TFAP2B: variants seen among roughly 807,000 people sequenced by gnomAD.
The protein encoded by TFAP2B is transcription factor AP-2-beta.
In TFAP2B, 9 loss-of-function variants were observed where a neutral mutation model predicts 44.3. The ratio of observed to expected loss-of-function variants is 0.20; its 90% CI spans 0.12 to 0.35. The LOEUF (loss-of-function observed/expected upper bound fraction) is 0.35. TFAP2B is among the 10% of genes least tolerant of loss of function. TFAP2B has a pLI of 1.00. For synonymous variants in TFAP2B, 270 were observed against 263.8 expected (o/e 1.02, Z -0.23); for missense variants, 509 against 600.0 (o/e 0.85, Z 1.59).
chr6:50,820,124 T>G (rs1770296711), intron 1 of TFAP2B, among the ~76,000 whole-genome samples: 1 of 151,110 alleles, frequency 6.6e-6, no homozygotes, highest in South Asian at 2.1e-4. Context: ...AGAGGAAAAG[T>G]TGGAGAGAAA....
chr6:50,844,578 G>A lies in TFAP2B; in HGVS notation c.*1186G>A, dbSNP rs1450489225. ...GAAAGTGGCCAATATGATGGAAGCA[G>A]CTTTGAATCTACATGCTAACATTCC... On this transcript the variant is annotated 3_prime_UTR_variant, in exon 7 of 7. Coordinates refer to ENST00000393655, the MANE Select transcript of TFAP2B (RefSeq NM_003221.4). The A allele has an allele frequency of 2.0e-5, 3 of 152,800 alleles. No homozygotes were observed. Among genetic ancestry groups the A allele is most frequent in the Middle Eastern group, 6.8e-3 (2 of 294 alleles). The allele number at this position is 152,800 out of a possible 1,614,324, so 9.5% of individuals were successfully genotyped here.
intron 3 of TFAP2B, among the ~76,000 whole-genome samples, chr6:50,835,159 A>G (rs1454561428): frequency 6.6e-6 from 1 of 152,228 alleles, no homozygotes; most frequent in African/African-American, 2.4e-5. Flanking sequence ...ACTTCTGCAT[A>G]AAACATACCT....
intron 3 of TFAP2B, among the ~76,000 whole-genome samples, chr6:50,834,152 A>T (rs1762573945): frequency 6.6e-6 from 1 of 152,214 alleles, no homozygotes; most frequent in Admixed American, 6.5e-5. Context: ...TGCCCCCACC[A>T]ATCACCTGTC....
Position 50,843,167 on chromosome 6 carries a change from C to T in TFAP2B, c.1158C>T (p.Ile386=), listed in dbSNP as rs1762767239. The change falls in exon 7 of 7, where the codon ATC becomes ATT. Residue 386 remains isoleucine (I), a synonymous_variant. Coordinates refer to ENST00000393655, the MANE Select transcript of TFAP2B (RefSeq NM_003221.4). Reference sequence around the variant, plus strand: ...TAGGGAACAGCCGACCCAGCCCCATCCTGGAGCCGGGGATCCAGAGCTGCC... The same window carrying T: ...TAGGGAACAGCCGACCCAGCCCCATTCTGGAGCCGGGGATCCAGAGCTGCC... ...TPIGNSRPSP[I]LEPGIQSCLT... 6.2e-7 allele frequency: 1 copy of T among 1,614,268 alleles called. No individual in the cohort carries two copies. The highest frequency in any genetic ancestry group is 8.5e-7 in the Non-Finnish European group (1 of 1,180,054).
chr6:50,845,863 C>T lies in TFAP2B; in HGVS notation c.*2471C>T, dbSNP rs1312130507. 1.3e-5 allele frequency: 2 copies of T among 152,696 alleles called. No individual in the cohort carries two copies. Among genetic ancestry groups the T allele is most frequent in the Non-Finnish European group, 2.9e-5 (2 of 68,072 alleles). The allele number at this position is 152,696 out of a possible 1,614,324, so 9.5% of individuals were successfully genotyped here. On this transcript the variant is annotated 3_prime_UTR_variant, in exon 7 of 7. Transcript: ENST00000393655. ...CGACTGCGCGGGCCCTTCCCGCTCT[C>T]GGTCTCACCCTAAGGGCTAAGGCGA...
intron 6 of TFAP2B, among the ~76,000 whole-genome samples, chr6:50,841,747 G>T (rs1034816962): frequency 1.3e-5 from 2 of 152,170 alleles, no homozygotes; most frequent in African/African-American, 4.8e-5. Context: ...TTTCTAAGGT[G>T]TACCTCTTAA....
At chr6:50,834,807 A>G (rs2070822695) in intron 3 of TFAP2B, among the ~76,000 whole-genome samples, 1 of 152,202 alleles carries the variant, frequency 6.6e-6, no homozygotes, top group Non-Finnish European at 1.5e-5. Flanking sequence ...GCATGTTTCC[A>G]AAGATTTTTT....
intron 1 of TFAP2B, among the ~76,000 whole-genome samples, chr6:50,819,864 G>A (rs1379905249): frequency 9.9e-6 from 1 of 101,346 alleles, no homozygotes; most frequent in African/African-American, 3.3e-5. Flanking sequence ...AGAGGCGGGC[G>A]AGGTGGGAGA....
intron 1 of TFAP2B, 40 bp from the exon 2 acceptor site, chr6:50,823,367 C>T: frequency 3.3e-6 from 5 of 1,509,402 alleles, no homozygotes; most frequent in Non-Finnish European, 4.5e-6. Flanking sequence ...TTCTCTGTCT[C>T]CTTCTCTGGC....
chr6:50,828,052 G>A (rs935500414), intron 2 of TFAP2B, among the ~76,000 whole-genome samples: 2 of 152,200 alleles, frequency 1.3e-5, no homozygotes, highest in Non-Finnish European at 2.9e-5. Context: ...CTGTCATTGT[G>A]CAGCAAGAAG....
chr6:50,819,402 T>A (rs1345028934), intron 1 of TFAP2B, among the ~76,000 whole-genome samples: 2 of 151,990 alleles, frequency 1.3e-5, no homozygotes, highest in Non-Finnish European at 2.9e-5. Context: ...GGCTTTTAAT[T>A]TTTATTTTCA....
intron 3 of TFAP2B, among the ~76,000 whole-genome samples, chr6:50,829,192 T>C (rs62405422): frequency 0.18 from 27,626 of 152,194 alleles, 2,782 homozygotes; most frequent in Admixed American, 0.28. Flanking sequence ...TTGCTAAATA[T>C]GCGCATCCTG....
chr6:50,825,087 G>A (rs1770465957), intron 2 of TFAP2B, among the ~76,000 whole-genome samples: 1 of 152,166 alleles, frequency 6.6e-6, no homozygotes, highest in Admixed American at 6.5e-5. Flanking sequence ...ATCAAATGCT[G>A]TCTGTGTGTG....
chr6:50,843,163 CCAT>C lies in TFAP2B; in HGVS notation c.1156_1158del (p.Ile386del). The C allele has an allele frequency of 6.2e-7, 1 of 1,614,234 alleles. No individual in the cohort carries two copies. Among genetic ancestry groups the C allele is most frequent in the Non-Finnish European group, 8.5e-7 (1 of 1,180,038 alleles). ...CCGATAGGGAACAGCCGACCCAGCC[CCAT>C]CCTGGAGCCGGGGATCCAGAGCTGC... On this transcript the variant is annotated inframe_deletion, in exon 7 of 7. Transcript: ENST00000393655.
intron 2 of TFAP2B, among the ~76,000 whole-genome samples, chr6:50,827,107 G>A (rs1354467935): frequency 6.6e-6 from 1 of 152,150 alleles, no homozygotes; most frequent in Non-Finnish European, 1.5e-5. Flanking sequence ...TTACGTACAA[G>A]AGTGAGGGTA....
intron 2 of TFAP2B, 116 bp from the exon 3 acceptor site, chr6:50,828,503 C>T: frequency 1.2e-6 from 1 of 842,748 alleles, no homozygotes; most frequent in Non-Finnish European, 1.9e-6. Flanking sequence ...TAAAACAGCC[C>T]TTTGTGAATT....
chr6:50,819,858 G>T (rs1770282667), intron 1 of TFAP2B, among the ~76,000 whole-genome samples: 1 of 145,180 alleles, frequency 6.9e-6, no homozygotes. Context: ...GGTGGGAGAG[G>T]CGGGCGAGGT....
intron 3 of TFAP2B, among the ~76,000 whole-genome samples, chr6:50,833,263 A>C (rs1216836031): frequency 6.6e-6 from 1 of 152,210 alleles, no homozygotes; most frequent in Non-Finnish European, 1.5e-5. Flanking sequence ...AAAGACAAAG[A>C]AAGTAAAATA....
intron 3 of TFAP2B, among the ~76,000 whole-genome samples, chr6:50,831,993 G>T (rs1762506524): frequency 6.6e-6 from 1 of 152,120 alleles, no homozygotes; most frequent in Non-Finnish European, 1.5e-5. Flanking sequence ...TAAACACTTT[G>T]ACTGGTGTGG....
Sources: gnomAD v4.1 joint callset for allele counts (sites outside exome capture counted in the v4.1 genomes callset) on GRCh38, gnomAD v4.1.1 for gene constraint, MANE v1.5 for transcripts, NCBI Gene and HGNC (gene_info 2026-07-23, HGNC 2026-07-21) for gene names.